Variants in WWOX observed in about 807,000 individuals in gnomAD.
WWOX encodes the protein WW domain-containing oxidoreductase.
A neutral mutation model predicts 46.2 loss-of-function variants in WWOX; 69 were observed. The ratio of observed to expected loss-of-function variants is 1.49; its 90% CI spans 1.23 to 1.82. The LOEUF (loss-of-function observed/expected upper bound fraction) is 1.82, where lower values mean the gene tolerates loss of function less well. WWOX is among the 40% of genes most tolerant of loss of function. The pLI is 0.00. For synonymous variants in WWOX, 359 were observed against 202.6 expected (o/e 1.77, Z -6.56); for missense variants, 919 against 542.6 (o/e 1.69, Z -6.89).
At chr16:78,321,305 T>TATATATATGCGTATATATATAC in intron 5 of WWOX, among the ~76,000 whole-genome samples, 1 of 84,782 alleles carries the variant, frequency 1.2e-5, no homozygotes, top group Non-Finnish European at 2.6e-5. Context: ...TATATATACG[T>TATATATATGCGTATATATATAC]ATATATATGC....
chr16:78,497,935 G>C (rs1200023484), intron 8 of WWOX, among the ~76,000 whole-genome samples: 1 of 152,052 alleles, frequency 6.6e-6, no homozygotes, highest in Non-Finnish European at 1.5e-5. Flanking sequence ...GGGAGCAGTA[G>C]CTCACGCCTG....
chr16:78,864,571 G>T (rs2151195682), intron 8 of WWOX, among the ~76,000 whole-genome samples: 1 of 151,678 alleles, frequency 6.6e-6, no homozygotes, highest in South Asian at 2.1e-4. Flanking sequence ...ACCCAGCCCT[G>T]GATTTGGCTT....
At chr16:78,164,352 G>T in intron 5 of WWOX, 63 bp downstream of exon 5, 2 of 1,426,958 alleles carry the variant, frequency 1.4e-6, no homozygotes, top group South Asian at 1.2e-5. Flanking sequence ...CTAACCATAT[G>T]GAGATTTCAG....
chr16:78,314,299 G>A lies in WWOX; in HGVS notation c.517-72561G>A, dbSNP rs1261949840. Among the ~76,000 whole-genome samples, 10 of 150,882 alleles carry A rather than the reference G, an allele frequency of 6.6e-5. No individual in the cohort carries two copies. The South Asian group carries it at 1.3e-3, about 19-fold the overall frequency. On this transcript the variant is annotated intron_variant, in intron 5 of 8. Coordinates refer to ENST00000566780, the MANE Select transcript of WWOX (RefSeq NM_016373.4). Reference sequence around the variant, plus strand: ...GGTGGGCCTGTAGTCTCAGCTACTCGGGAGGCTGAGGCAGGAGAATGGTGT... The same window carrying A: ...GGTGGGCCTGTAGTCTCAGCTACTCAGGAGGCTGAGGCAGGAGAATGGTGT...
chr16:78,158,917 C>A (rs1038504774), intron 4 of WWOX, among the ~76,000 whole-genome samples: 2 of 152,150 alleles, frequency 1.3e-5, no homozygotes, highest in African/African-American at 4.8e-5. Flanking sequence ...TACCCTTTGG[C>A]TAATACCTCC....
chr16:78,164,864 A>G (rs1254703908), intron 5 of WWOX, among the ~76,000 whole-genome samples: 1 of 152,246 alleles, frequency 6.6e-6, no homozygotes, highest in Non-Finnish European at 1.5e-5. Flanking sequence ...AGGACTGTAA[A>G]GCAGAGGAAG....
At chr16:78,825,709 A>G (rs1406807770) in intron 8 of WWOX, 3 of 556,710 alleles carry the variant, frequency 5.4e-6, no homozygotes, top group East Asian at 4.0e-5. Context: ...CTCTGAGGAC[A>G]GAGGGTCAAA....
chr16:78,452,350 A>C (rs2083710855), intron 8 of WWOX, among the ~76,000 whole-genome samples: 1 of 152,128 alleles, frequency 6.6e-6, no homozygotes, highest in Admixed American at 6.5e-5. Context: ...GATTGCTATC[A>C]TGCAGTCTGC....
chr16:78,490,294 A>G (rs2084748088), intron 8 of WWOX, among the ~76,000 whole-genome samples: 1 of 132,014 alleles, frequency 7.6e-6, no homozygotes. Flanking sequence ...GTATTGTTTA[A>G]CACACAAATA....
intron 5 of WWOX, among the ~76,000 whole-genome samples, chr16:78,294,124 C>A (rs574413352): frequency 1.3e-5 from 2 of 152,106 alleles, no homozygotes; most frequent in African/African-American, 4.8e-5. Flanking sequence ...CTGCTGGTCC[C>A]TGGGTGGGAC....
At chr16:79,161,125 A>G (rs951017836) in intron 8 of WWOX, among the ~76,000 whole-genome samples, 2 of 152,234 alleles carry the variant, frequency 1.3e-5, no homozygotes, top group South Asian at 2.1e-4. Flanking sequence ...TAGGTTTGCC[A>G]TGGATTAGAT....
At chr16:78,899,326 G>A (rs1348807936) in intron 8 of WWOX, 1 of 152,146 alleles carries the variant, frequency 6.6e-6, no homozygotes, top group Non-Finnish European at 1.5e-5. Context: ...CTGCATATTA[G>A]AGGGAGTTTA....
Position 78,249,223 on chromosome 16 carries a change from C to T in WWOX, c.516+84934C>T, listed in dbSNP as rs145845250. On this transcript the variant is annotated intron_variant, in intron 5 of 8. Transcript: ENST00000566780. ...CTTTCCCAAGCTCATGGAGTGGTGG[C>T]GGTGGAGGTGTTGTGAATGTGAACC... is the stretch of plus-strand genomic sequence containing the variant. 3.0e-3 allele frequency among the ~76,000 whole-genome samples: 450 copies of T among 152,200 alleles called. 2 individuals are homozygous for T. The highest frequency in any genetic ancestry group is 4.9e-3 in the Non-Finnish European group (333 of 68,006).
chr16:78,202,687 G>C (rs1052111085), intron 5 of WWOX, among the ~76,000 whole-genome samples: 1 of 152,140 alleles, frequency 6.6e-6, no homozygotes, highest in Non-Finnish European at 1.5e-5. Context: ...TTTGTCAGCA[G>C]TATTTATACC....
In WWOX at chr16:78,342,068, A is replaced by G. The variant is rs147990962; in HGVS notation, c.517-44792A>G. Among the ~76,000 whole-genome samples, 201 of 121,616 alleles carry G rather than the reference A, an allele frequency of 1.7e-3. 42 individuals are homozygous for G. Among genetic ancestry groups the G allele is most frequent in the African/African-American group, 5.0e-3 (179 of 35,962 alleles). 79.8% of individuals were successfully genotyped at this position (121,616 alleles called of 152,430 possible). A position where few individuals can be genotyped will look rare whatever the true frequency, so the allele number is the denominator to read the frequency against. On this transcript the variant is annotated intron_variant, in intron 5 of 8. Coordinates refer to ENST00000566780, the MANE Select transcript of WWOX (RefSeq NM_016373.4). Reference sequence around the variant, plus strand: ...GAGATCAAGGCTACAGTGAGCTGCAATTGTGCCACTGCACTCTAATTTAGG... The same window carrying G: ...GAGATCAAGGCTACAGTGAGCTGCAGTTGTGCCACTGCACTCTAATTTAGG...
chr16:78,334,812 A>ACACACACACGCGCG (rs2080844011), intron 5 of WWOX, among the ~76,000 whole-genome samples: 5 of 100,910 alleles, frequency 5.0e-5, no homozygotes, highest in African/African-American at 1.7e-4. Flanking sequence ...ACACACGCAC[A>ACACACACACGCGCG]CACACACACA....
chr16:78,778,481 T>C (rs1018123540), intron 8 of WWOX, among the ~76,000 whole-genome samples: 1 of 152,208 alleles, frequency 6.6e-6, no homozygotes. Flanking sequence ...GTTCAGGCTG[T>C]AATCCTGGTC....
intron 8 of WWOX, among the ~76,000 whole-genome samples, chr16:79,098,361 T>C (rs1458140837): frequency 2.6e-5 from 4 of 152,156 alleles, no homozygotes; most frequent in African/African-American, 9.7e-5. Context: ...GTGGGTGGTA[T>C]TTTCTCCTAG....
intron 8 of WWOX, among the ~76,000 whole-genome samples, chr16:79,114,870 A>T (rs1321195119): frequency 8.5e-5 from 13 of 152,172 alleles, no homozygotes; most frequent in African/African-American, 2.9e-4. Context: ...ATGGGCGTAG[A>T]TGTTGTTGTT....
Sources: allele counts gnomAD v4.1 joint callset (sites outside exome capture counted in the v4.1 genomes callset), GRCh38; gene constraint gnomAD v4.1.1; transcripts MANE v1.5; gene names NCBI Gene and HGNC (gene_info 2026-07-23, HGNC 2026-07-21).